The following CYTH1 variants were observed in gnomAD, a reference collection of about 807,000 sequenced individuals.
The protein encoded by CYTH1 is cytohesin 1.
In CYTH1, 18 loss-of-function variants were observed where a neutral mutation model predicts 61.8. The ratio of observed to expected loss-of-function variants is 0.29; its 90% CI spans 0.20 to 0.43. The LOEUF is 0.43. CYTH1 is among the 20% of genes least tolerant of loss of function. CYTH1 has a pLI of 1.00. For missense variants in CYTH1, 336 were observed against 510.5 expected, an observed-to-expected ratio of 0.66 and a Z score of 3.29; for synonymous variants, 174 against 184.3, an observed-to-expected ratio of 0.94 and a Z score of 0.45.
At chr17:78,684,934 C>T (rs187627208) in intron 11 of CYTH1, among the ~76,000 whole-genome samples, 1 of 152,192 alleles carries the variant, frequency 6.6e-6, no homozygotes, top group Non-Finnish European at 1.5e-5. Flanking sequence ...GGCATGGTGG[C>T]TCACGCCTGT....
chr17:78,745,877 C>T (rs945408775), intron 1 of CYTH1, among the ~76,000 whole-genome samples: 9 of 151,778 alleles, frequency 5.9e-5, no homozygotes, highest in African/African-American at 9.7e-5. Context: ...GCCAACAGAG[C>T]GAGACTCTGT....
At chr17:78,753,499 T>TAATAAATAAATA (rs67579941) in intron 1 of CYTH1, among the ~76,000 whole-genome samples, 2 of 143,374 alleles carry the variant, frequency 1.4e-5, no homozygotes, top group South Asian at 2.3e-4. Flanking sequence ...TATCTCTACT[T>TAATAAATAAATA]AATAAATAAA....
Position 78,674,500 on chromosome 17 carries a change from G to C in CYTH1, c.*1591C>G, listed in dbSNP as rs1015256958. The C allele has an allele frequency of 2.0e-5, 3 of 151,860 alleles. No individual in the cohort carries two copies. The highest frequency in any genetic ancestry group is 4.4e-5 in the Non-Finnish European group (3 of 67,938). The allele number at this position is 151,860 out of a possible 1,614,324, so 9.4% of individuals were successfully genotyped here. ...GCCTAAAGCCATTCCCTCCAGGTAG[G>C]ATCTACACAAAGTGGCGGGGAGGGA... On this transcript the variant is annotated 3_prime_UTR_variant, in exon 14 of 14. Coordinates refer to ENST00000446868, the MANE Select transcript of CYTH1 (RefSeq NM_004762.6).
In CYTH1 at chr17:78,680,845, T is replaced by C. The variant is rs879015644; in HGVS notation, c.963+126A>G. Reference sequence around the variant, plus strand: ...CTCATCTTTGGCTTGAACAATATAATAAAAAATTAGACTAAATAAAAGCCT... The same window carrying C: ...CTCATCTTTGGCTTGAACAATATAACAAAAAATTAGACTAAATAAAAGCCT... On this transcript the variant is annotated intron_variant, in intron 12 of 13. Coordinates refer to ENST00000446868, the MANE Select transcript of CYTH1 (RefSeq NM_004762.6). The C allele has an allele frequency of 9.6e-6, 9 of 940,654 alleles. No homozygotes were observed. The Admixed American group carries it at 1.3e-4, about 13-fold the overall frequency. The allele number at this position is 940,654 out of a possible 1,614,324, so 58.3% of individuals were successfully genotyped here.
intron 1 of CYTH1, among the ~76,000 whole-genome samples, chr17:78,739,434 G>A (rs1055116527): frequency 6.6e-6 from 1 of 152,182 alleles, no homozygotes; most frequent in African/African-American, 2.4e-5. Flanking sequence ...ACTGTGGAGT[G>A]GGGGAAGTGG....
intron 1 of CYTH1, among the ~76,000 whole-genome samples, chr17:78,722,539 T>A (rs1004183407): frequency 6.6e-6 from 1 of 152,136 alleles, no homozygotes; most frequent in Non-Finnish European, 1.5e-5. Context: ...CCACTCCCCG[T>A]GCCTGCCAGC....
intron 13 of CYTH1, chr17:78,676,632 C>A (rs183161598): frequency 3.6e-6 from 1 of 278,796 alleles, no homozygotes; most frequent in Non-Finnish European, 7.0e-6. Flanking sequence ...AAGCCCCCCA[C>A]GTGCACCTGC....
At chr17:78,781,275 A>G (rs2144793812) in intron 1 of CYTH1, among the ~76,000 whole-genome samples, 1 of 152,308 alleles carries the variant, frequency 6.6e-6, no homozygotes, top group Non-Finnish European at 1.5e-5. Context: ...CCAAACCACA[A>G]AAGTTCACCA....
intron 1 of CYTH1, chr17:78,727,972 T>G: frequency 3.7e-6 from 1 of 272,488 alleles, no homozygotes; most frequent in Admixed American, 4.6e-5. Context: ...TGCTGACCCA[T>G]GAGAGGGCAG....
intron 1 of CYTH1, among the ~76,000 whole-genome samples, chr17:78,769,104 C>T (rs2093460527): frequency 6.6e-6 from 1 of 151,950 alleles, no homozygotes; most frequent in South Asian, 2.1e-4. Context: ...TGACATCACG[C>T]CACTGCACTC....
intron 13 of CYTH1, 78 bp downstream of exon 13, chr17:78,680,112 T>TA: frequency 6.4e-7 from 1 of 1,554,928 alleles, no homozygotes; most frequent in African/African-American, 1.4e-5. Context: ...GCGGCATGTT[T>TA]AACCACTAAG....
intron 9 of CYTH1, among the ~76,000 whole-genome samples, chr17:78,696,413 G>A (rs998150712): frequency 1.3e-5 from 2 of 152,380 alleles, no homozygotes; most frequent in African/African-American, 4.8e-5. Context: ...TTTTTAAAGT[G>A]TGTGTAAGAA....
chr17:78,690,667 C>G (rs546785745), intron 11 of CYTH1, among the ~76,000 whole-genome samples: 2 of 152,160 alleles, frequency 1.3e-5, no homozygotes, highest in African/African-American at 4.8e-5. Flanking sequence ...CCACTACACT[C>G]CAGCCTGGGA....
chr17:78,743,379 C>T (rs1044388229), intron 1 of CYTH1, among the ~76,000 whole-genome samples: 7 of 152,138 alleles, frequency 4.6e-5, no homozygotes, highest in East Asian at 1.9e-4. Context: ...GCTTCGCTCC[C>T]GTGTCATGGC....
At chr17:78,734,682 C>G (rs1041981256) in intron 1 of CYTH1, among the ~76,000 whole-genome samples, 1 of 152,122 alleles carries the variant, frequency 6.6e-6, no homozygotes, top group East Asian at 1.9e-4. Context: ...TCAGGTGATC[C>G]GCCTGCCTGG....
chr17:78,719,106 G>T (rs907425281), intron 1 of CYTH1, among the ~76,000 whole-genome samples: 2 of 152,192 alleles, frequency 1.3e-5, no homozygotes, highest in African/African-American at 4.8e-5. Context: ...CACAGCATGG[G>T]TGCCTCACCC....
chr17:78,730,695 C>A (rs1212705052), intron 1 of CYTH1, among the ~76,000 whole-genome samples: 1 of 151,376 alleles, frequency 6.6e-6, no homozygotes, highest in Admixed American at 6.6e-5. Flanking sequence ...GATGGAGTCT[C>A]GCTCTGTCGC....
chr17:78,681,031 G>C lies in CYTH1; in HGVS notation c.903C>G (p.Pro301=). 1.2e-6 allele frequency: 2 copies of C among 1,613,982 alleles called. No individual in the cohort carries two copies. Among genetic ancestry groups the C allele is most frequent in the Non-Finnish European group, 1.7e-6 (2 of 1,179,988 alleles). The change falls in exon 12 of 14, where the codon CCC becomes CCG. Residue 301 remains proline (P), a synonymous_variant. Transcript: ENST00000446868. ...YYFEYTTDKE[P]RGIIPLENLS... Reference sequence around the variant, plus strand: ...GATTCTCTAAAGGGATGATTCCACGGGGCTCCTTATCCTACAGAACAGTTG... The same window carrying C: ...GATTCTCTAAAGGGATGATTCCACGCGGCTCCTTATCCTACAGAACAGTTG...
At chr17:78,748,257 T>C (rs1374275203) in intron 1 of CYTH1, among the ~76,000 whole-genome samples, 5 of 152,204 alleles carry the variant, frequency 3.3e-5, no homozygotes. Context: ...GAAAACTCTA[T>C]GGAACCAGCT....
Sources: gnomAD v4.1 joint callset for allele counts (sites outside exome capture counted in the v4.1 genomes callset) on GRCh38, gnomAD v4.1.1 for gene constraint, MANE v1.5 for transcripts, NCBI Gene and HGNC (gene_info 2026-07-23, HGNC 2026-07-21) for gene names.